Variants in DAZAP1 observed in about 807,000 individuals in gnomAD.
DAZAP1 encodes DAZ associated protein 1, also known as DAZ-associated protein 1.
In DAZAP1, 6 loss-of-function variants were observed where a neutral mutation model predicts 60.1. The ratio of observed to expected loss-of-function variants is 0.10; its 90% CI spans 0.05 to 0.20. The LOEUF (loss-of-function observed/expected upper bound fraction) is 0.20. DAZAP1 is among the 10% of genes least tolerant of loss of function. The pLI is 1.00. For missense variants in DAZAP1, 366 were observed against 560.4 expected (o/e 0.65, Z 3.50); for synonymous variants, 235 against 215.9 (o/e 1.09, Z -0.78).
intron 1 of DAZAP1, among the ~76,000 whole-genome samples, chr19:1,408,197 G>A (rs1044601941): frequency 5.9e-5 from 9 of 151,892 alleles, no homozygotes; most frequent in African/African-American, 2.2e-4. Flanking sequence ...AGCCAGAGGG[G>A]TTCAGGGGCC....
At chr19:1,413,989 C>CTGTGTGTGTGTGTGTGTGTG (rs3065755) in intron 1 of DAZAP1, among the ~76,000 whole-genome samples, 5 of 130,156 alleles carry the variant, frequency 3.8e-5, no homozygotes, top group African/African-American at 8.8e-5. Flanking sequence ...CCCCAGTGAA[C>CTGTGTGTGTGTGTGTGTGTG]TGTGTGTGTG....
At chr19:1,429,579 G>A (rs997759637) in intron 8 of DAZAP1, among the ~76,000 whole-genome samples, 3 of 152,182 alleles carry the variant, frequency 2.0e-5, no homozygotes, top group Non-Finnish European at 4.4e-5. Context: ...CCTGCACCTC[G>A]TCTAAAACCT....
In DAZAP1 at chr19:1,418,564, G is replaced by T; in HGVS notation, c.238-102G>T. On this transcript the variant is annotated intron_variant, in intron 3 of 11. Transcript: ENST00000233078. The surrounding 1 kb of genome is among the most constrained non-coding windows in gnomAD (Gnocchi z 5.7). ...AGGGTGAATGGAGCCGGCGGGGCGG[G>T]GCGGGCCGGGCTGCTGTGCCGTGGC... 6.7e-7 allele frequency: 1 copy of T among 1,499,718 alleles called. No individual in the cohort carries two copies. The highest frequency in any genetic ancestry group is 9.3e-7 in the Non-Finnish European group (1 of 1,079,962). 92.9% of individuals were successfully genotyped at this position (1,499,718 alleles called of 1,614,324 possible).
rs1409687230 is a variant in DAZAP1, at chr19:1,435,157, C to T, written c.*245C>T. On this transcript the variant is annotated 3_prime_UTR_variant, in exon 12 of 12. Coordinates refer to ENST00000233078, the MANE Select transcript of DAZAP1 (RefSeq NM_018959.4). ...CAACAACAGGGTTTAAAAAAAATGT[C>T]TTCAGCTTTAATTCAAAACTTCAGG... The T allele has an allele frequency of 2.1e-5, 6 of 282,900 alleles. No individual in the cohort carries two copies. The highest frequency in any genetic ancestry group is 2.6e-5 in the Non-Finnish European group (4 of 153,228). The allele number at this position is 282,900 out of a possible 1,614,324, so 17.5% of individuals were successfully genotyped here. A position where few individuals can be genotyped will look rare whatever the true frequency, so the allele number is the denominator to read the frequency against.
At position 1,421,135 on chromosome 19, in the gene DAZAP1, C is replaced by T. The variant is rs201881279; in HGVS notation, c.304-13C>T. 439 of 1,613,070 alleles carry T rather than the reference C, an allele frequency of 2.7e-4. No individual in the cohort carries two copies. Among genetic ancestry groups the T allele is most frequent in the Non-Finnish European group, 3.5e-4 (415 of 1,179,084 alleles). ...TTCCCGTGTGAACTAACTATCCTTC[C>T]CTTCTTCAACAGCAGAAAGGACCCA... On this transcript the variant is annotated splice_polypyrimidine_tract_variant and intron_variant, in intron 4 of 11. Coordinates refer to ENST00000233078, the MANE Select transcript of DAZAP1 (RefSeq NM_018959.4).
chr19:1,412,855 A>T (rs1305978276), intron 1 of DAZAP1, among the ~76,000 whole-genome samples: 1 of 152,216 alleles, frequency 6.6e-6, no homozygotes, highest in Non-Finnish European at 1.5e-5. Flanking sequence ...GGAGATGTTC[A>T]TCATGACCTT....
intron 1 of DAZAP1, among the ~76,000 whole-genome samples, chr19:1,408,882 TG>T (rs2082743710): frequency 6.6e-6 from 1 of 152,208 alleles, no homozygotes; most frequent in Non-Finnish European, 1.5e-5. Context: ...CAGTCTGGGT[TG>T]GGTTTCCTAG....
intron 1 of DAZAP1, among the ~76,000 whole-genome samples, chr19:1,411,932 T>C (rs2082842812): frequency 1.3e-5 from 2 of 152,228 alleles, no homozygotes; most frequent in Admixed American, 1.3e-4. Flanking sequence ...TGACACCATG[T>C]CATGATGTCA....
chr19:1,418,209 C>T lies in DAZAP1; in HGVS notation c.76C>T (p.Leu26=). The T allele has an allele frequency of 6.2e-7, 1 of 1,614,068 alleles. No individual in the cohort carries two copies. Among genetic ancestry groups the T allele is most frequent in the Non-Finnish European group, 8.5e-7 (1 of 1,179,902 alleles). The change falls in exon 3 of 12, where the codon CTG becomes TTG. Residue 26 remains leucine, a synonymous_variant. Transcript: ENST00000233078. This position sits in a 1 kb window ranked among gnomAD's most constrained non-coding sequence, Gnocchi z 5.7. Reference sequence around the variant, plus strand: ...TCTTCCCGATTTCTGAGCAGAGACTCTGCGCAGCTACTTTTCCCAATATGG... The same window carrying T: ...TCTTCCCGATTTCTGAGCAGAGACTTTGCGCAGCTACTTTTCCCAATATGG... ...GLDWSTTQET[L]RSYFSQYGEV...
chr19:1,415,390 T>TGTGTG (rs757259175), intron 1 of DAZAP1, among the ~76,000 whole-genome samples: 38 of 125,852 alleles, frequency 3.0e-4, no homozygotes, highest in African/African-American at 5.7e-4. Context: ...TGTGTGTGTG[T>TGTGTG]TTTGTTTTTT....
chr19:1,433,950 C>A lies in DAZAP1; in HGVS notation c.1049-787C>A, dbSNP rs954747029. On this transcript the variant is annotated intron_variant, in intron 11 of 11. Coordinates refer to ENST00000233078, the MANE Select transcript of DAZAP1 (RefSeq NM_018959.4). This position sits in a 1 kb window ranked among gnomAD's most constrained non-coding sequence, Gnocchi z 6.1. ...GTGCCCTCTGGGAAGGGGCCCTTGC[C>A]GGTGCCAAGACATTGGCCACAAGCC... 11 of 850,674 alleles carry A rather than the reference C, an allele frequency of 1.3e-5. No homozygotes were observed. Among genetic ancestry groups the A allele is most frequent in the African/African-American group, 3.4e-5 (2 of 59,062 alleles). 52.7% of individuals were successfully genotyped at this position (850,674 alleles called of 1,614,324 possible).
At chr19:1,407,866 C>T (rs2082709146) in intron 1 of DAZAP1, 64 bp downstream of exon 1, 3 of 1,042,980 alleles carry the variant, frequency 2.9e-6, no homozygotes, top group African/African-American at 1.7e-5. Flanking sequence ...CCCCGCCGCC[C>T]GGCCTCAGAC....
Position 1,432,132 on chromosome 19 carries a change from C to T in DAZAP1, c.872-382C>T. The T allele has an allele frequency of 3.8e-6, 1 of 262,526 alleles. No homozygotes were observed. The highest frequency in any genetic ancestry group is 4.3e-5 in the South Asian group (1 of 23,520). 16.3% of individuals were successfully genotyped at this position (262,526 alleles called of 1,614,324 possible). On this transcript the variant is annotated intron_variant, in intron 10 of 11. Coordinates refer to ENST00000233078, the MANE Select transcript of DAZAP1 (RefSeq NM_018959.4). The surrounding 1 kb of genome is among the most constrained non-coding windows in gnomAD (Gnocchi z 4.9). Reference sequence around the variant, plus strand: ...CAAGCACGTCAGGATGCTCCCTTGCCTGTGCTGGCAGCTTCCTAAACATGG... The same window carrying T: ...CAAGCACGTCAGGATGCTCCCTTGCTTGTGCTGGCAGCTTCCTAAACATGG...
At position 1,411,455 on chromosome 19, in the gene DAZAP1, C is replaced by T. The variant is rs372683809; in HGVS notation, c.29+3653C>T. ...GCCTGGTTGCCCCTGCGCTGGGGGC[C>T]GCTGCTCCTTGTGGTTTATGGCTTG... On this transcript the variant is annotated intron_variant, in intron 1 of 11. Coordinates refer to ENST00000233078, the MANE Select transcript of DAZAP1 (RefSeq NM_018959.4). 1.7e-4 allele frequency among the ~76,000 whole-genome samples: 26 copies of T among 152,294 alleles called. No individual in the cohort carries two copies. In the East Asian group the frequency reaches 3.9e-3, roughly 23 times the overall value.
In DAZAP1 at chr19:1,426,744, G is replaced by C. The variant is rs542545894; in HGVS notation, c.546+784G>C. The C allele has an allele frequency of 1.3e-4, 20 of 152,338 alleles. No individual in the cohort carries two copies. The highest frequency in any genetic ancestry group is 4.8e-4 in the African/African-American group (20 of 41,570). 9.4% of individuals were successfully genotyped at this position (152,338 alleles called of 1,614,324 possible). ...CAGTTAGCAAAAGCTTAGGGGTCCAGGTTTTTGCAGGATTCCTGTCTTGGT... is the reference window on the plus strand; with the variant it reads ...CAGTTAGCAAAAGCTTAGGGGTCCACGTTTTTGCAGGATTCCTGTCTTGGT... On this transcript the variant is annotated intron_variant, in intron 7 of 11. Transcript: ENST00000233078. This position sits in a 1 kb window ranked among gnomAD's most constrained non-coding sequence, Gnocchi z 5.4.
At chr19:1,419,513 C>T (rs1018130303) in intron 4 of DAZAP1, among the ~76,000 whole-genome samples, 5 of 152,208 alleles carry the variant, frequency 3.3e-5, no homozygotes, top group Admixed American at 6.5e-5. Context: ...ATGCACCCAC[C>T]GTCAGCACGC....
At chr19:1,409,337 C>T (rs913911111) in intron 1 of DAZAP1, among the ~76,000 whole-genome samples, 1 of 152,152 alleles carries the variant, frequency 6.6e-6, no homozygotes. Context: ...AACGTGGGCC[C>T]GCTCCACCCA....
intron 8 of DAZAP1, among the ~76,000 whole-genome samples, chr19:1,429,383 G>A (rs551445557): frequency 6.6e-6 from 1 of 152,246 alleles, no homozygotes; most frequent in Admixed American, 6.5e-5. Context: ...GAGCCGGCAG[G>A]CTTTGGATCC....
intron 4 of DAZAP1, 59 bp from the exon 5 acceptor site, chr19:1,421,089 C>A: frequency 1.3e-6 from 2 of 1,513,166 alleles, no homozygotes; most frequent in Non-Finnish European, 1.8e-6. Context: ...TCCTCCGCAG[C>A]TCGCGGGAGG....
Sources: allele counts gnomAD v4.1 joint callset (sites outside exome capture counted in the v4.1 genomes callset), GRCh38; gene constraint gnomAD v4.1.1; non-coding constraint Gnocchi (gnomAD v3.1); transcripts MANE v1.5; gene names NCBI Gene and HGNC (gene_info 2026-07-23, HGNC 2026-07-21).